The following SPOCK1 variants were observed in gnomAD, a reference collection of about 807,000 sequenced individuals.
SPOCK1 encodes SPARC (osteonectin), cwcv and kazal like domains proteoglycan 1.
In SPOCK1, 23 loss-of-function variants were observed where a neutral mutation model predicts 55.3. The ratio of observed to expected loss-of-function variants is 0.42; its 90% CI spans 0.30 to 0.59. SPOCK1 has a LOEUF of 0.59. Ranked by LOEUF, SPOCK1 falls within the 20% of genes least tolerant of loss-of-function variation. The probability of loss-of-function intolerance (pLI) is 0.22; values close to 1 mark genes in which losing one functional copy is unlikely to be tolerated. For synonymous variants in SPOCK1, 226 were observed against 221.0 expected (o/e 1.02, Z -0.20); for missense variants, 499 against 552.5 (o/e 0.90, Z 0.97).
At chr5:137,480,217 C>T (rs1416812154) in intron 2 of SPOCK1, among the ~76,000 whole-genome samples, 4 of 152,046 alleles carry the variant, frequency 2.6e-5, no homozygotes, top group Admixed American at 6.6e-5. Flanking sequence ...TCCTTCAATA[C>T]GCTGGCTGCC....
At chr5:137,428,651 A>T (rs1752683221) in intron 2 of SPOCK1, among the ~76,000 whole-genome samples, 3 of 152,270 alleles carry the variant, frequency 2.0e-5, no homozygotes, top group African/African-American at 7.2e-5. Context: ...GTTAGGCATT[A>T]AGTTCTCCCT....
chr5:137,050,461 G>T (rs374497787), intron 6 of SPOCK1, among the ~76,000 whole-genome samples: 10 of 149,286 alleles, frequency 6.7e-5, no homozygotes, highest in African/African-American at 1.7e-4. Context: ...TGACCCCTTG[G>T]GCTTCCCAGG....
intron 2 of SPOCK1, among the ~76,000 whole-genome samples, chr5:137,333,377 AGAGTT>A (rs1051526894): frequency 4.6e-5 from 7 of 152,146 alleles, no homozygotes; most frequent in African/African-American, 1.7e-4. Context: ...GACTGGGAAA[AGAGTT>A]GAGGAGGAGG....
At chr5:137,095,352 C>T (rs1237307236) in intron 5 of SPOCK1, among the ~76,000 whole-genome samples, 6 of 152,036 alleles carry the variant, frequency 3.9e-5, no homozygotes, top group Admixed American at 3.3e-4. Context: ...TAAAAAAAAC[C>T]TTAGTATCTG....
chr5:137,320,438 G>A (rs1203973030), intron 2 of SPOCK1, among the ~76,000 whole-genome samples: 1 of 152,220 alleles, frequency 6.6e-6, no homozygotes, highest in East Asian at 1.9e-4. Flanking sequence ...GGGAGGGAAA[G>A]GAAGGGTGGA....
intron 3 of SPOCK1, among the ~76,000 whole-genome samples, chr5:137,187,759 T>G (rs964769762): frequency 3.3e-5 from 5 of 152,120 alleles, no homozygotes; most frequent in African/African-American, 7.2e-5. Flanking sequence ...AATCTGTGTA[T>G]AGTTATGTGG....
intron 3 of SPOCK1, among the ~76,000 whole-genome samples, chr5:137,253,461 G>C (rs1337085144): frequency 6.6e-6 from 1 of 152,136 alleles, no homozygotes; most frequent in Non-Finnish European, 1.5e-5. Flanking sequence ...GGCTGTTTGA[G>C]GAAATTCTAT....
intron 2 of SPOCK1, among the ~76,000 whole-genome samples, chr5:137,449,226 A>C (rs766330216): frequency 5.3e-5 from 8 of 152,218 alleles, no homozygotes; most frequent in Non-Finnish European, 1.0e-4. Flanking sequence ...CCTTCTGCCC[A>C]GTGCAACAAA....
chr5:137,145,518 G>T (rs1754174394), intron 3 of SPOCK1, among the ~76,000 whole-genome samples: 1 of 152,216 alleles, frequency 6.6e-6, no homozygotes, highest in South Asian at 2.1e-4. Flanking sequence ...TGAGAAGAAG[G>T]TTCCATTTTG....
chr5:137,498,497 C>T lies in SPOCK1; in HGVS notation c.62G>A (p.Ser21Asn). The T allele has an allele frequency of 6.3e-7, 1 of 1,587,286 alleles. No homozygotes were observed. Among genetic ancestry groups the T allele is most frequent in the South Asian group, 1.1e-5 (1 of 88,090 alleles). Residue 21 changes from serine to asparagine, a missense_variant, in exon 2 of 11, where the codon AGC (serine) becomes AAC (asparagine). Around this residue, in one of 3 missense-constraint regions of SPOCK1, gnomAD observed 386 missense variants for 400.6 expected, o/e 0.96. Transcript: ENST00000394945. ...TCCGGCGAGCGCGTCCAGGTGCCGG[C>T]TCTCGACTTGGAGGAAGCACCACGC... ...AAAWCFLQVE[S>N]RHLDALAGGA...
intron 2 of SPOCK1, among the ~76,000 whole-genome samples, chr5:137,486,001 T>C (rs568804298): frequency 3.9e-5 from 6 of 152,310 alleles, no homozygotes; most frequent in Non-Finnish European, 7.4e-5. Flanking sequence ...TATGCTCCAA[T>C]GAAACACACT....
chr5:137,360,319 T>C (rs1750913693), intron 2 of SPOCK1, among the ~76,000 whole-genome samples: 1 of 152,170 alleles, frequency 6.6e-6, no homozygotes, highest in African/African-American at 2.4e-5. Context: ...CCTCACATCT[T>C]ACAAAGGCAC....
chr5:136,993,426 G>T (rs557677904), intron 6 of SPOCK1, among the ~76,000 whole-genome samples: 22 of 152,116 alleles, frequency 1.4e-4, no homozygotes, highest in Non-Finnish European at 3.1e-4. Context: ...TTCCCTCAGG[G>T]CATACGCTAA....
intron 2 of SPOCK1, among the ~76,000 whole-genome samples, chr5:137,317,405 CTA>C (rs1355162553): frequency 6.6e-6 from 1 of 152,130 alleles, no homozygotes; most frequent in Non-Finnish European, 1.5e-5. Flanking sequence ...CGTCCCTGAC[CTA>C]TATTACTGCC....
At chr5:137,169,195 G>A (rs1274217742) in intron 3 of SPOCK1, among the ~76,000 whole-genome samples, 1 of 152,094 alleles carries the variant, frequency 6.6e-6, no homozygotes, top group Admixed American at 6.6e-5. Flanking sequence ...AAAGTGTTGT[G>A]AGGGGTTGGG....
intron 3 of SPOCK1, among the ~76,000 whole-genome samples, chr5:137,210,447 A>G (rs545603237): frequency 9.8e-5 from 15 of 152,350 alleles, no homozygotes; most frequent in African/African-American, 2.9e-4. Flanking sequence ...AAACATGTGC[A>G]CTTGTTTTTG....
chr5:137,437,079 G>A (rs987041557), intron 2 of SPOCK1, among the ~76,000 whole-genome samples: 2 of 152,112 alleles, frequency 1.3e-5, no homozygotes, highest in African/African-American at 2.4e-5. Context: ...TTCATGCTCA[G>A]TGCCAATTTT....
intron 2 of SPOCK1, among the ~76,000 whole-genome samples, chr5:137,356,830 T>TAGAGAG (rs1374423446): frequency 1.0e-3 from 12 of 12,002 alleles, no homozygotes; most frequent in Non-Finnish European, 1.5e-3. Flanking sequence ...TATATATATA[T>TAGAGAG]ATATATATAG....
At chr5:137,143,080 G>C (rs1046184905) in intron 3 of SPOCK1, among the ~76,000 whole-genome samples, 18 of 152,104 alleles carry the variant, frequency 1.2e-4, no homozygotes, top group Admixed American at 5.9e-4. Context: ...CACACCACAG[G>C]ATGAAGACAT....
Sources: allele counts gnomAD v4.1 joint callset (sites outside exome capture counted in the v4.1 genomes callset), GRCh38; gene constraint gnomAD v4.1.1; regional missense constraint gnomAD v4.1.1; transcripts MANE v1.5; gene names NCBI Gene and HGNC (gene_info 2026-07-23, HGNC 2026-07-21).